NR1H3: variants seen among roughly 807,000 people sequenced by gnomAD.
NR1H3 encodes oxysterols receptor LXR-alpha.
A neutral mutation model predicts 48.1 loss-of-function variants in NR1H3; 19 were observed. The ratio of observed to expected loss-of-function variants is 0.40; its 90% confidence interval spans 0.28 to 0.58. The LOEUF is 0.58. Among genes scored for constraint, NR1H3 ranks in the 20% least tolerant of loss-of-function variants. The pLI is 0.50. For missense variants in NR1H3, 486 were observed against 595.9 expected (o/e 0.82, Z 1.92); for synonymous variants, 232 against 227.3 (o/e 1.02, Z -0.19).
chr11:47,257,700 AG>A, upstream of NR1H3: 2 of 985,328 alleles, frequency 2.0e-6, no homozygotes, highest in Non-Finnish European at 2.4e-6. Flanking sequence ...GGTTCCTGGG[AG>A]GCAGTCCTTT....
At chr11:47,248,698 C>T (rs979065943), upstream of NR1H3, 1 of 1,612,056 alleles carries the variant, frequency 6.2e-7, no homozygotes, top group South Asian at 1.1e-5. Context: ...GCGCAGACTC[C>T]GGGCCCGGGT....
Position 47,259,940 on chromosome 11 carries a change from G to GC in NR1H3, c.196dup (p.Leu66ProfsTer160). ...GGGGCTGGAGGCTGCAGAGCCCACA[G>GC]CCCTGCTCACCAGGGCAGAGCCCCC... On this transcript the variant is annotated frameshift_variant, in exon 3 of 10. Coordinates refer to ENST00000441012, the MANE Select transcript of NR1H3 (RefSeq NM_005693.4). LOFTEE classifies it high-confidence loss of function. 1 of 1,589,848 alleles carries GC rather than the reference G, an allele frequency of 6.3e-7. No homozygotes were observed. The highest frequency in any genetic ancestry group is 8.6e-7 in the Non-Finnish European group (1 of 1,168,678).
upstream of NR1H3, among the ~76,000 whole-genome samples, chr11:47,253,134 C>CGTGTGTGTGTGTGTGTGT (rs60982687): frequency 0.022 from 3,274 of 147,736 alleles, 136 homozygotes; most frequent in African/African-American, 0.077. Context: ...AATTTTTGTG[C>CGTGTGTGTGTGTGTGTGT]GTGTGTGTGT....
At position 47,267,970 on chromosome 11, in the gene NR1H3, T is replaced by C; in HGVS notation, c.1046T>C (p.Leu349Pro). 6.2e-7 allele frequency: 1 copy of C among 1,614,108 alleles called. No homozygotes were observed. The highest frequency in any genetic ancestry group is 1.1e-5 in the South Asian group (1 of 91,084). ...IFEFSRAMNE[L>P]QLNDAEFALL... Reference sequence around the variant, plus strand: ...GAGTTCTCCAGGGCCATGAATGAGCTGCAACTCAATGATGCCGAGTTTGCC... The same window carrying C: ...GAGTTCTCCAGGGCCATGAATGAGCCGCAACTCAATGATGCCGAGTTTGCC... Residue 349 changes from leucine to proline, a missense_variant, in exon 8 of 10, where the codon CTG (leucine) becomes CCG (proline). Transcript: ENST00000441012.
Position 47,261,965 on chromosome 11 carries a change from G to C in NR1H3, c.935G>C (p.Ser312Thr), listed in dbSNP as rs754398603. Residue 312 changes from serine (S) to threonine (T), a missense_variant, in exon 7 of 10, where the codon AGT becomes ACT. Coordinates refer to ENST00000441012, the MANE Select transcript of NR1H3 (RefSeq NM_005693.4). The part of the protein sequence containing the change: ...TSRRYNPGSE[S>T]ITFLKDFSYN... ...CGGAGGTACAACCCTGGGAGTGAGA[G>C]TATCACCTTCCTCAAGGATTTCAGT... is the stretch of plus-strand genomic sequence containing the variant. The C allele has an allele frequency of 6.2e-7, 1 of 1,614,196 alleles. No individual in the cohort carries two copies. The highest frequency in any genetic ancestry group is 8.5e-7 in the Non-Finnish European group (1 of 1,180,030).
intron 1 of NR1H3, among the ~76,000 whole-genome samples, chr11:47,250,753 A>T (rs1419020856): frequency 1.3e-5 from 2 of 152,278 alleles, no homozygotes; most frequent in East Asian, 3.8e-4. Context: ...GCATCTCTGA[A>T]TACCTGATTT....
chr11:47,257,811 G>A (rs1955337953), upstream of NR1H3: 1 of 968,232 alleles, frequency 1.0e-6, no homozygotes, highest in East Asian at 1.1e-4. Flanking sequence ...CGGGAGTAGG[G>A]GGCGGGAGTG....
intron 4 of NR1H3, 115 bp downstream of exon 4, chr11:47,260,790 C>G: frequency 7.5e-7 from 1 of 1,326,266 alleles, no homozygotes; most frequent in Non-Finnish European, 1.0e-6. Context: ...GTATGGATCC[C>G]AGTATCTTTC....
upstream of NR1H3, chr11:47,257,752 G>A (rs1955325015): frequency 3.1e-6 from 3 of 978,666 alleles, no homozygotes; most frequent in African/African-American, 1.8e-5. Flanking sequence ...AGAGGAAGGG[G>A]AGAGACATGG....
At chr11:47,263,284 A>C (rs534686151) in intron 7 of NR1H3, among the ~76,000 whole-genome samples, 139 of 98,896 alleles carry the variant, frequency 1.4e-3, no homozygotes, top group African/African-American at 5.2e-3. Context: ...TTTTTTTTTG[A>C]GATAAGTTCT....
chr11:47,268,419 T>TA, intron 9 of NR1H3, 64 bp downstream of exon 9: 3 of 1,587,926 alleles, frequency 1.9e-6, no homozygotes, highest in Non-Finnish European at 2.6e-6. Flanking sequence ...CTGACATACC[T>TA]ACTTTCCCTT....
upstream of NR1H3, among the ~76,000 whole-genome samples, chr11:47,256,027 TTTTA>T (rs1955140208): frequency 6.6e-6 from 1 of 151,774 alleles, no homozygotes; most frequent in Non-Finnish European, 1.5e-5. Context: ...ATTATCCCTA[TTTTA>T]TTTATCTTTC....
intron 1 of NR1H3, among the ~76,000 whole-genome samples, chr11:47,252,959 CTTTTT>C (rs35321542): frequency 8.8e-6 from 1 of 113,298 alleles, no homozygotes. Flanking sequence ...AACTTGTATT[CTTTTT>C]TTTTTTTTTT....
chr11:47,255,047 T>C (rs891243326), upstream of NR1H3, among the ~76,000 whole-genome samples: 5 of 152,168 alleles, frequency 3.3e-5, no homozygotes, highest in African/African-American at 1.2e-4. Context: ...AGGGGGTGAA[T>C]GACCAGCAGT....
Position 47,268,639 on chromosome 11 carries a change from T to C in NR1H3, c.1287T>C (p.Arg429=), listed in dbSNP as rs1189204931. Residue 429 remains arginine, a synonymous_variant, in exon 10 of 10, where the codon CGT becomes CGC. Coordinates refer to ENST00000441012, the MANE Select transcript of NR1H3 (RefSeq NM_005693.4). ...SVHSEQVFAL[R]LQDKKLPPLL... ...ACTCAGAGCAAGTGTTTGCACTGCG[T>C]CTGCAGGACAAAAAGCTCCCACCGC... is the stretch of plus-strand genomic sequence containing the variant. 6.2e-7 allele frequency: 1 copy of C among 1,614,140 alleles called. No homozygotes were observed. Among genetic ancestry groups the C allele is most frequent in the Non-Finnish European group, 8.5e-7 (1 of 1,180,048 alleles).
chr11:47,257,212 A>G (rs569802102), upstream of NR1H3, among the ~76,000 whole-genome samples: 1 of 152,268 alleles, frequency 6.6e-6, no homozygotes, highest in Admixed American at 6.5e-5. Context: ...GAATGACTAT[A>G]GTCTCAGTAG....
chr11:47,253,373 G>A (rs1954827202), upstream of NR1H3, among the ~76,000 whole-genome samples: 1 of 152,202 alleles, frequency 6.6e-6, no homozygotes, highest in African/African-American at 2.4e-5. Flanking sequence ...AATGTATGTA[G>A]TAGGGATGAA....
At chr11:47,250,948 A>G (rs1055165069) in intron 1 of NR1H3, among the ~76,000 whole-genome samples, 1 of 152,056 alleles carries the variant, frequency 6.6e-6, no homozygotes, top group African/African-American at 2.4e-5. Flanking sequence ...TCACGAGGTC[A>G]GGAGATCAAG....
chr11:47,268,418 C>A, intron 9 of NR1H3, 63 bp downstream of exon 9: 1 of 1,588,506 alleles, frequency 6.3e-7, no homozygotes, highest in Non-Finnish European at 8.6e-7. Flanking sequence ...CCTGACATAC[C>A]TACTTTCCCT....
Sources: allele counts gnomAD v4.1 joint callset (sites outside exome capture counted in the v4.1 genomes callset), GRCh38; gene constraint gnomAD v4.1.1; transcripts MANE v1.5; gene names NCBI Gene and HGNC (gene_info 2026-07-23, HGNC 2026-07-21).